The following GPC5 variants were observed in gnomAD, a reference collection of about 807,000 sequenced individuals.
GPC5 encodes the protein glypican-5.
Under a neutral mutation model 53.9 loss-of-function variants are expected in GPC5, and 47 were observed. The ratio of observed to expected loss-of-function variants is 0.87; its 90% confidence interval spans 0.69 to 1.11. The LOEUF is 1.11. Among genes scored for constraint, GPC5 ranks in the 50% most tolerant of loss-of-function variants. The probability of loss-of-function intolerance (pLI) is 0.00; values close to 1 mark genes in which losing one functional copy is unlikely to be tolerated. For missense variants in GPC5, 748 were observed against 713.1 expected, an observed-to-expected ratio of 1.05 and a Z score of -0.56; for synonymous variants, 286 against 263.3, an observed-to-expected ratio of 1.09 and a Z score of -0.84.
chr13:92,395,831 A>G (rs1282530652), intron 7 of GPC5, among the ~76,000 whole-genome samples: 1 of 150,144 alleles, frequency 6.7e-6, no homozygotes. Context: ...TTCCCTCCAC[A>G]CTGACTTCTT....
chr13:91,592,873 G>A (rs1258386162), intron 2 of GPC5, among the ~76,000 whole-genome samples: 1 of 152,246 alleles, frequency 6.6e-6, no homozygotes, highest in Non-Finnish European at 1.5e-5. Context: ...CTGAAGAATA[G>A]CTGTTCCCCA....
At chr13:92,809,972 T>A (rs1432680423) in intron 7 of GPC5, among the ~76,000 whole-genome samples, 2 of 152,058 alleles carry the variant, frequency 1.3e-5, no homozygotes, top group Non-Finnish European at 2.9e-5. Flanking sequence ...TATACTATAT[T>A]TATATACAGA....
intron 1 of GPC5, among the ~76,000 whole-genome samples, chr13:91,400,358 C>T (rs1386822414): frequency 6.6e-6 from 1 of 152,178 alleles, no homozygotes. Context: ...GGAACACTGA[C>T]TCCATTTGAG....
At chr13:92,851,288 C>G (rs1282722842) in intron 7 of GPC5, among the ~76,000 whole-genome samples, 3 of 151,142 alleles carry the variant, frequency 2.0e-5, no homozygotes, top group Non-Finnish European at 4.4e-5. Flanking sequence ...AACCATATCA[C>G]CTACCTACCT....
At chr13:91,545,628 G>A (rs546157964) in intron 2 of GPC5, among the ~76,000 whole-genome samples, 2 of 152,048 alleles carry the variant, frequency 1.3e-5, no homozygotes, top group South Asian at 2.1e-4. Context: ...GTACAGTGAT[G>A]TACAGTAGAT....
At chr13:91,471,503 T>C (rs1159557560) in intron 2 of GPC5, among the ~76,000 whole-genome samples, 1 of 152,156 alleles carries the variant, frequency 6.6e-6, no homozygotes, top group Non-Finnish European at 1.5e-5. Context: ...TTTCAGGACA[T>C]GTCTAGAAGT....
intron 5 of GPC5, among the ~76,000 whole-genome samples, chr13:91,761,871 C>T (rs1329647329): frequency 6.6e-6 from 1 of 152,140 alleles, no homozygotes; most frequent in Non-Finnish European, 1.5e-5. Context: ...CCCCTCTCCC[C>T]TCCCTGGAGG....
At chr13:92,073,768 C>T (rs1594753269) in intron 6 of GPC5, among the ~76,000 whole-genome samples, 1 of 151,956 alleles carries the variant, frequency 6.6e-6, no homozygotes, top group African/African-American at 2.4e-5. Flanking sequence ...CAGTTGTAGC[C>T]CTGTATGGTT....
At chr13:92,353,130 G>A (rs1211431780) in intron 7 of GPC5, among the ~76,000 whole-genome samples, 2 of 151,356 alleles carry the variant, frequency 1.3e-5, no homozygotes, top group Non-Finnish European at 2.9e-5. Context: ...CGCGGTGGCG[G>A]GCGCCTGTAG....
In GPC5 at chr13:92,741,746, A is replaced by C. The variant is rs1889101411; in HGVS notation, c.1562-124536A>C. On this transcript the variant is annotated intron_variant, in intron 7 of 7. Transcript: ENST00000377067. The stretch of plus-strand genomic sequence containing the variant: ...TGCTATCCCTCCCCTCTCCCCCTAC[A>C]CCACAGCAGGCCCCGGTGTGTGATG... Among the ~76,000 whole-genome samples the C allele has an allele frequency of 4.0e-5, 6 of 151,420 alleles. No homozygotes were observed. In the South Asian group the frequency reaches 1.0e-3, roughly 26 times the overall value.
At position 91,617,294 on chromosome 13, in the gene GPC5, G is replaced by A. The variant is rs148722364; in HGVS notation, c.326-75893G>A. On this transcript the variant is annotated intron_variant, in intron 2 of 7. Transcript: ENST00000377067. ...CAATTTATTCTGCATAGGCTGGGGG[G>A]AAGACCGTGTAGAGAAGATGCTATT... Among the ~76,000 whole-genome samples the A allele has an allele frequency of 2.3e-3, 347 of 152,282 alleles. 5 individuals are homozygous for A. The highest frequency in any genetic ancestry group is 7.9e-3 in the African/African-American group (330 of 41,566).
intron 7 of GPC5, among the ~76,000 whole-genome samples, chr13:92,673,934 T>C (rs1209954460): frequency 6.6e-6 from 1 of 152,114 alleles, no homozygotes; most frequent in Non-Finnish European, 1.5e-5. Flanking sequence ...TTTTCAATTG[T>C]AAAAAAATGT....
intron 2 of GPC5, among the ~76,000 whole-genome samples, chr13:91,667,473 A>C (rs1319687570): frequency 6.6e-6 from 1 of 152,160 alleles, no homozygotes; most frequent in Non-Finnish European, 1.5e-5. Flanking sequence ...CTTGGCCTCA[A>C]CCAAATTCCC....
chr13:92,425,569 CAG>C (rs1026232666), intron 7 of GPC5, among the ~76,000 whole-genome samples: 6 of 152,120 alleles, frequency 3.9e-5, no homozygotes, highest in African/African-American at 1.2e-4. Flanking sequence ...GTTTTAAATG[CAG>C]AGTCAGATTC....
intron 2 of GPC5, among the ~76,000 whole-genome samples, chr13:91,688,574 T>G (rs1250069254): frequency 6.6e-6 from 1 of 152,192 alleles, no homozygotes; most frequent in African/African-American, 2.4e-5. Context: ...ATCAAATCTA[T>G]TTTGTGTTCA....
chr13:92,119,237 C>T (rs2041625148), intron 6 of GPC5, among the ~76,000 whole-genome samples: 1 of 152,056 alleles, frequency 6.6e-6, no homozygotes, highest in Admixed American at 6.5e-5. Flanking sequence ...GTCATGGGAA[C>T]AGCATGGGGA....
At chr13:92,783,055 A>G (rs1267662864) in intron 7 of GPC5, among the ~76,000 whole-genome samples, 1 of 152,202 alleles carries the variant, frequency 6.6e-6, no homozygotes, top group African/African-American at 2.4e-5. Context: ...ACATATTGCT[A>G]GTTTAAATAT....
chr13:91,718,525 A>G (rs2036395342), intron 3 of GPC5, among the ~76,000 whole-genome samples: 1 of 152,108 alleles, frequency 6.6e-6, no homozygotes, highest in Non-Finnish European at 1.5e-5. Context: ...GATGAAGAAG[A>G]GTTTTGTAGT....
intron 7 of GPC5, among the ~76,000 whole-genome samples, chr13:92,289,960 C>G (rs1436066918): frequency 2.6e-5 from 4 of 151,920 alleles, no homozygotes; most frequent in African/African-American, 9.7e-5. Context: ...CCTTATATTC[C>G]TTTTAAATTG....
Sources: allele counts gnomAD v4.1 joint callset (sites outside exome capture counted in the v4.1 genomes callset), GRCh38; gene constraint gnomAD v4.1.1; transcripts MANE v1.5; gene names NCBI Gene and HGNC (gene_info 2026-07-23, HGNC 2026-07-21).